Variants in CD99L2 observed in about 807,000 individuals in gnomAD.
The protein encoded by CD99L2 is CD99 antigen-like protein 2.
In CD99L2, 24 loss-of-function variants were observed where a neutral mutation model predicts 27.3. That is an observed-to-expected ratio of 0.88 (90% CI 0.64 to 1.24). CD99L2 has a LOEUF of 1.24. Ranked by LOEUF, CD99L2 falls within the 50% of genes most tolerant of loss-of-function variation. The probability of loss-of-function intolerance (pLI) is 0.00; values close to 1 mark genes in which losing one functional copy is unlikely to be tolerated. For missense variants in CD99L2, 255 were observed against 221.6 expected, an observed-to-expected ratio of 1.15 and a Z score of -0.96; for synonymous variants, 97 against 87.9, an observed-to-expected ratio of 1.10 and a Z score of -0.58.
intron 4 of CD99L2, among the ~76,000 whole-genome samples, chrX:150,812,843 G>A (rs1230965906): frequency 8.9e-6 from 1 of 112,152 alleles, no homozygotes; most frequent in Non-Finnish European, 1.9e-5. Flanking sequence ...AATACTCCTT[G>A]GCAATAAGAA....
intron 9 of CD99L2, among the ~76,000 whole-genome samples, chrX:150,771,564 C>G (rs1460975389): frequency 1.8e-5 from 2 of 111,510 alleles, no homozygotes; most frequent in Non-Finnish European, 3.8e-5. Context: ...TGAGTCCTCA[C>G]CATGGCACCT....
At chrX:150,799,528 GA>G (rs1328744694) in intron 4 of CD99L2, among the ~76,000 whole-genome samples, 1 of 107,090 alleles carries the variant, frequency 9.3e-6, no homozygotes, top group African/African-American at 3.4e-5. Flanking sequence ...AAAAAAAAAG[GA>G]AAAAAACCAA....
intron 2 of CD99L2, among the ~76,000 whole-genome samples, chrX:150,825,332 T>C (rs782176325): frequency 8.9e-6 from 1 of 112,410 alleles, no homozygotes; most frequent in Non-Finnish European, 1.9e-5. Flanking sequence ...ACCATAAATA[T>C]AAAGGTTTAT....
At chrX:150,829,395 A>G (rs2046407466) in intron 2 of CD99L2, 1 of 328,331 alleles carries the variant, frequency 3.0e-6, no homozygotes, top group Admixed American at 3.1e-5. Context: ...GTGACAACAG[A>G]GGCAGAGATT....
chrX:150,812,687 C>G (rs1268984829), intron 4 of CD99L2, among the ~76,000 whole-genome samples: 2 of 112,386 alleles, frequency 1.8e-5, no homozygotes, highest in African/African-American at 3.2e-5. Flanking sequence ...AGTCACTGCA[C>G]TCTTGGGCAT....
intron 1 of CD99L2, among the ~76,000 whole-genome samples, chrX:150,833,172 T>G: frequency 1.8e-5 from 2 of 109,653 alleles, no homozygotes; most frequent in Non-Finnish European, 3.8e-5. Context: ...ATTTGAACAA[T>G]GAACTGTCTG....
intron 9 of CD99L2, among the ~76,000 whole-genome samples, chrX:150,774,510 C>T (rs1464816750): frequency 8.9e-6 from 1 of 112,090 alleles, no homozygotes; most frequent in Non-Finnish European, 1.9e-5. Context: ...ATCCCCATCT[C>T]GTTCCAATCC....
rs782004041 is a variant in CD99L2, at chrX:150,885,082, CAT to C, written c.67+13438_67+13439del. 3.5e-3 allele frequency among the ~76,000 whole-genome samples: 390 copies of C among 110,884 alleles called. 4 individuals carry two copies. Among genetic ancestry groups the C allele is most frequent in the African/African-American group, 0.012 (378 of 30,485 alleles). ...AACAAAACTATATGATTTATGGCTG[CAT>C]ACATAGGTGGCAGAGTATAAAGTAA... On this transcript the variant is annotated intron_variant, in intron 1 of 10. Transcript: ENST00000370377.
intron 2 of CD99L2, chrX:150,816,556 A>G (rs1557420492): frequency 8.0e-6 from 1 of 125,235 alleles, no homozygotes; most frequent in Non-Finnish European, 1.7e-5. Flanking sequence ...AGACATGCAC[A>G]CAATATTTTA....
At chrX:150,794,719 T>C (rs1196617410) in intron 6 of CD99L2, among the ~76,000 whole-genome samples, 2 of 111,361 alleles carry the variant, frequency 1.8e-5, no homozygotes, top group African/African-American at 3.3e-5. Flanking sequence ...CTTTCCCCAC[T>C]GCCTATGGGT....
At chrX:150,898,480 G>T (rs1328720896) in intron 1 of CD99L2, 42 bp downstream of exon 1, 19 of 1,059,808 alleles carry the variant, frequency 1.8e-5, no homozygotes, top group South Asian at 2.2e-5. Flanking sequence ...CCCACAAGGC[G>T]GGGTCCCCGC....
At chrX:150,855,836 G>A (rs1260432433) in intron 1 of CD99L2, among the ~76,000 whole-genome samples, 1 of 111,923 alleles carries the variant, frequency 8.9e-6, no homozygotes, top group Non-Finnish European at 1.9e-5. Context: ...CAGAGGGATT[G>A]TGCCCTGCTA....
chrX:150,793,697 C>A lies in CD99L2; in HGVS notation c.490G>T (p.Gly164Cys). 8.4e-7 allele frequency: 1 copy of A among 1,193,990 alleles called. No individual in the cohort carries two copies. The highest frequency in any genetic ancestry group is 1.1e-6 in the Non-Finnish European group (1 of 887,429). ...VGGGEYKPDKGKGDGRYGSND... is the reference protein window; with the variant it reads ...VGGGEYKPDKCKGDGRYGSND... The stretch of plus-strand genomic sequence containing the variant: ...CACAAATCAATGCTCCTACCTTTAC[C>A]CTTGTCAGGTTTGTATTCTCCACCC... The change falls in exon 7 of 11, where the codon GGT (glycine) becomes TGT (cysteine). Residue 164 changes from glycine (G) to cysteine (C), a missense_variant. Physicochemically the swap from Gly to Cys is radical, Grantham distance 159. Transcript: ENST00000370377.
intron 1 of CD99L2, among the ~76,000 whole-genome samples, chrX:150,870,218 A>C (rs1324013435): frequency 4.6e-5 from 5 of 108,087 alleles, no homozygotes; most frequent in Non-Finnish European, 7.6e-5. Flanking sequence ...ATTAAAAGTC[A>C]GCAAGCCTAC....
intron 1 of CD99L2, among the ~76,000 whole-genome samples, chrX:150,859,225 G>C (rs1444383415): frequency 3.6e-5 from 4 of 111,838 alleles, no homozygotes; most frequent in Non-Finnish European, 7.5e-5. Flanking sequence ...TCTCAGCCAG[G>C]TGCGGTGGCT....
chrX:150,898,054 ACCCCCCCCCCC>A (rs370763385), intron 1 of CD99L2, among the ~76,000 whole-genome samples: 4 of 29,926 alleles, frequency 1.3e-4, no homozygotes, highest in Non-Finnish European at 2.3e-4. Context: ...CGCCTCGCTG[ACCCCCCCCCCC>A]CCCCCCCACA....
intron 2 of CD99L2, chrX:150,818,687 A>G: frequency 6.9e-6 from 1 of 144,957 alleles, no homozygotes; most frequent in East Asian, 1.9e-4. Context: ...CAAATCGATA[A>G]CCTAAACTTT....
chrX:150,871,046 C>G, intron 1 of CD99L2, among the ~76,000 whole-genome samples: 1 of 112,534 alleles, frequency 8.9e-6, no homozygotes, highest in Non-Finnish European at 1.9e-5. Flanking sequence ...GAAATGTCGA[C>G]AGTCCCATTT....
At chrX:150,837,583 T>C (rs1557421245) in intron 1 of CD99L2, among the ~76,000 whole-genome samples, 1 of 112,238 alleles carries the variant, frequency 8.9e-6, no homozygotes, top group Non-Finnish European at 1.9e-5. Context: ...AATTGGTATC[T>C]GTCAAAGGGG....
Sources: gnomAD v4.1 joint callset for allele counts (sites outside exome capture counted in the v4.1 genomes callset) on GRCh38, gnomAD v4.1.1 for gene constraint, MANE v1.5 for transcripts, NCBI Gene and HGNC (gene_info 2026-07-23, HGNC 2026-07-21) for gene names.